GFRA1: variants seen among roughly 807,000 people sequenced by gnomAD.
GFRA1 encodes GDNF family receptor alpha-1.
GFRA1 carries 16 observed loss-of-function variants against 51.6 expected under a neutral mutation model. The observed-to-expected ratio is 0.31, with a 90% CI of 0.21 to 0.47. The LOEUF is 0.47. Ranked by LOEUF, GFRA1 falls within the 20% of genes least tolerant of loss-of-function variation. The probability of loss-of-function intolerance (pLI) is 1.00; values close to 1 mark genes in which losing one functional copy is unlikely to be tolerated. For missense variants in GFRA1, 530 were observed against 594.3 expected (o/e 0.89, Z 1.13); for synonymous variants, 270 against 241.3 (o/e 1.12, Z -1.10).
intron 9 of GFRA1, among the ~76,000 whole-genome samples, chr10:116,082,432 G>A (rs1955889374): frequency 6.6e-6 from 1 of 151,788 alleles, no homozygotes; most frequent in Non-Finnish European, 1.5e-5. Flanking sequence ...TCTTAGAACT[G>A]GCAGGATATC....
intron 5 of GFRA1, among the ~76,000 whole-genome samples, chr10:116,198,842 C>T (rs997430327): frequency 1.3e-5 from 2 of 152,142 alleles, no homozygotes; most frequent in South Asian, 2.1e-4. Flanking sequence ...CAGCATGTGA[C>T]CTTATTTGGA....
chr10:116,180,329 C>A (rs187885028), intron 5 of GFRA1, among the ~76,000 whole-genome samples: 14 of 152,282 alleles, frequency 9.2e-5, no homozygotes, highest in African/African-American at 3.1e-4. Flanking sequence ...AAGCCAAATA[C>A]TTATACTGTC....
chr10:116,266,828 G>T (rs538361344), intron 4 of GFRA1, among the ~76,000 whole-genome samples: 2 of 152,326 alleles, frequency 1.3e-5, no homozygotes, highest in African/African-American at 4.8e-5. Flanking sequence ...TGATTGCAAG[G>T]GTAGAGAAGG....
chr10:116,220,088 G>A (rs893552312), intron 4 of GFRA1, among the ~76,000 whole-genome samples: 5 of 152,116 alleles, frequency 3.3e-5, no homozygotes, highest in South Asian at 2.1e-4. Flanking sequence ...TCTTATGCAT[G>A]CTAAATTACA....
At chr10:116,072,531 G>A (rs1235682973) in intron 9 of GFRA1, among the ~76,000 whole-genome samples, 2 of 152,140 alleles carry the variant, frequency 1.3e-5, no homozygotes, top group Non-Finnish European at 2.9e-5. Flanking sequence ...GAAGGCCAAG[G>A]TGGGTGGATC....
chr10:116,154,526 A>C (rs1959167957), intron 5 of GFRA1, among the ~76,000 whole-genome samples: 1 of 152,202 alleles, frequency 6.6e-6, no homozygotes. Context: ...CCATGCTGAC[A>C]GAAGGCAGAA....
At chr10:116,193,023 C>T (rs1254187232) in intron 5 of GFRA1, among the ~76,000 whole-genome samples, 2 of 152,196 alleles carry the variant, frequency 1.3e-5, no homozygotes, top group African/African-American at 4.8e-5. Context: ...TCCACACACA[C>T]AGCCAACCCC....
chr10:116,136,896 G>A (rs1231853800), intron 5 of GFRA1, among the ~76,000 whole-genome samples: 5 of 152,168 alleles, frequency 3.3e-5, no homozygotes, highest in Admixed American at 2.0e-4. Context: ...AATAAGGAAT[G>A]AATATATGTA....
At chr10:116,217,826 A>G (rs146395287) in intron 4 of GFRA1, among the ~76,000 whole-genome samples, 86 of 152,336 alleles carry the variant, frequency 5.6e-4, no homozygotes, top group Admixed American at 1.2e-3. Flanking sequence ...GAGATTGCCT[A>G]TAAGAGAACA....
At chr10:116,094,932 A>G (rs1198860113) in intron 7 of GFRA1, among the ~76,000 whole-genome samples, 1 of 152,216 alleles carries the variant, frequency 6.6e-6, no homozygotes, top group Non-Finnish European at 1.5e-5. Flanking sequence ...CCTGGCATAC[A>G]TGGAAGAAGT....
intron 5 of GFRA1, among the ~76,000 whole-genome samples, chr10:116,192,872 G>A (rs983849909): frequency 4.6e-5 from 7 of 152,246 alleles, no homozygotes; most frequent in South Asian, 2.1e-4. Context: ...AGGCAGTCCC[G>A]GGGGAGTGTT....
chr10:116,261,070 C>A (rs1969264290), intron 4 of GFRA1, among the ~76,000 whole-genome samples: 1 of 152,192 alleles, frequency 6.6e-6, no homozygotes, highest in South Asian at 2.1e-4. Context: ...GAACAACTAC[C>A]TCCTTAACTA....
Position 116,057,424 on chromosome 10 carries a change from A to G in GFRA1, c.*6974T>C, listed in dbSNP as rs1954594347. The G allele has an allele frequency of 1.3e-5, 2 of 152,230 alleles. No homozygotes were observed. Among genetic ancestry groups the G allele is most frequent in the Non-Finnish European group, 2.9e-5 (2 of 68,048 alleles). 9.4% of individuals were successfully genotyped at this position (152,230 alleles called of 1,614,324 possible). A position where few individuals can be genotyped will look rare whatever the true frequency, so the allele number is the denominator to read the frequency against. Reference sequence around the variant, plus strand: ...AAGCCGCCTTCTACTCTACCGTGCTATAAACCTGCATGAAACAGAACGAAC... The same window carrying G: ...AAGCCGCCTTCTACTCTACCGTGCTGTAAACCTGCATGAAACAGAACGAAC... On this transcript the variant is annotated 3_prime_UTR_variant, in exon 11 of 11. Coordinates refer to ENST00000355422, the MANE Select transcript of GFRA1 (RefSeq NM_005264.8).
Position 116,115,416 on chromosome 10 carries a change from T to G in GFRA1, c.770+9805A>C, listed in dbSNP as rs535098574. ...AGAGGGTCCTGGCAGGTTCCCAGAGTCAGGTTCCTGGGGTGAGATGAGCCC... is the reference window on the plus strand; with the variant it reads ...AGAGGGTCCTGGCAGGTTCCCAGAGGCAGGTTCCTGGGGTGAGATGAGCCC... On this transcript the variant is annotated intron_variant, in intron 6 of 10. Transcript: ENST00000355422. Among the ~76,000 whole-genome samples the G allele has an allele frequency of 2.0e-5, 3 of 151,890 alleles. No individual in the cohort carries two copies. In the East Asian group the frequency reaches 5.8e-4, roughly 30 times the overall value.
chr10:116,253,847 GCT>G, intron 4 of GFRA1, among the ~76,000 whole-genome samples: 1 of 152,256 alleles, frequency 6.6e-6, no homozygotes, highest in South Asian at 2.1e-4. Context: ...CATGCAAAGG[GCT>G]AGGCCTTTGC....
chr10:116,075,079 CCTT>C (rs1182497948), intron 9 of GFRA1, among the ~76,000 whole-genome samples: 1 of 152,150 alleles, frequency 6.6e-6, no homozygotes, highest in Non-Finnish European at 1.5e-5. Flanking sequence ...GAATTACTGT[CCTT>C]CTGATGGGCT....
rs889870898 is a variant in GFRA1 at position 116,125,454 on chromosome 10, G to C, written c.537C>G (p.Thr179=). The C allele has an allele frequency of 2.5e-6, 4 of 1,613,992 alleles. No homozygotes were observed. Among genetic ancestry groups the C allele is most frequent in the African/African-American group, 1.3e-5 (1 of 74,938 alleles). Residue 179 remains threonine (T), a synonymous_variant, in exon 6 of 11, where the codon ACC becomes ACG. Coordinates refer to ENST00000355422, the MANE Select transcript of GFRA1 (RefSeq NM_005264.8). ...KYRSAYITPC[T]TSVSNDVCNR... ...TGCAGACATCGTTGGACACGCTGGT[G>C]GTGCACGGGGTGATGTACGCCGACC...
Position 116,060,787 on chromosome 10 carries a change from T to G in GFRA1, c.*3611A>C, listed in dbSNP as rs1954772441. 6.7e-6 allele frequency: 1 copy of G among 149,824 alleles called. No individual in the cohort carries two copies. The highest frequency in any genetic ancestry group is 2.5e-5 in the African/African-American group (1 of 39,918). The allele number at this position is 149,824 out of a possible 1,614,324, so 9.3% of individuals were successfully genotyped here. ...TAAGCAGCCCTTTTCTGGTCCACAG[T>G]TTATTGATTCAAGTACATCGTGCAT... On this transcript the variant is annotated 3_prime_UTR_variant, in exon 11 of 11. Coordinates refer to ENST00000355422, the MANE Select transcript of GFRA1 (RefSeq NM_005264.8).
chr10:116,161,469 C>G (rs1362386153), intron 5 of GFRA1, among the ~76,000 whole-genome samples: 1 of 152,316 alleles, frequency 6.6e-6, no homozygotes, highest in East Asian at 1.9e-4. Flanking sequence ...TTGACGCCAA[C>G]TTTGGCATGA....
Sources: gnomAD v4.1 joint callset for allele counts (sites outside exome capture counted in the v4.1 genomes callset) on GRCh38, gnomAD v4.1.1 for gene constraint, MANE v1.5 for transcripts, NCBI Gene and HGNC (gene_info 2026-07-23, HGNC 2026-07-21) for gene names.